The following FRMPD4 variants were observed in gnomAD, a reference collection of about 807,000 sequenced individuals.
FRMPD4 encodes the protein FERM and PDZ domain-containing protein 4.
In FRMPD4, 22 loss-of-function variants were observed where a neutral mutation model predicts 94.1. The observed-to-expected ratio is 0.23, with a 90% CI of 0.17 to 0.33. FRMPD4 has a LOEUF of 0.33. FRMPD4 is among the 10% of genes least tolerant of loss of function. The pLI, the probability that FRMPD4 is intolerant of heterozygous loss-of-function variation, is 1.00. For missense variants in FRMPD4, 1,111 were observed against 1,339.9 expected (o/e 0.83, Z 2.67); for synonymous variants, 631 against 548.6 (o/e 1.15, Z -2.10).
intron 1 of FRMPD4, among the ~76,000 whole-genome samples, chrX:12,337,112 A>T (rs2068995920): frequency 8.9e-6 from 1 of 111,814 alleles, no homozygotes; most frequent in African/African-American, 3.3e-5. Flanking sequence ...TTTGACCAAC[A>T]AGGAAGCAAT....
chrX:12,375,622 A>G (rs1228853707), intron 1 of FRMPD4, among the ~76,000 whole-genome samples: 1 of 112,275 alleles, frequency 8.9e-6, no homozygotes, highest in Non-Finnish European at 1.9e-5. Context: ...ATAATCTGGG[A>G]TAATATCCCC....
chrX:11,831,156 T>C (rs941462661), intron 1 of FRMPD4, among the ~76,000 whole-genome samples: 2 of 109,156 alleles, frequency 1.8e-5, no homozygotes, highest in East Asian at 2.9e-4. Flanking sequence ...TGGGACAGGG[T>C]AAGACTGAGT....
chrX:12,105,675 T>C (rs2055291292), intron 3 of FRMPD4, among the ~76,000 whole-genome samples: 1 of 112,463 alleles, frequency 8.9e-6, no homozygotes, highest in African/African-American at 3.2e-5. Flanking sequence ...TGTATAGCCT[T>C]AAAGTTAAAT....
intron 1 of FRMPD4, among the ~76,000 whole-genome samples, chrX:12,420,444 G>A (rs1424154627): frequency 1.8e-5 from 2 of 111,504 alleles, no homozygotes; most frequent in East Asian, 5.6e-4. Flanking sequence ...TTTCTTCAAG[G>A]CCCTGAAACA....
intron 4 of FRMPD4, among the ~76,000 whole-genome samples, chrX:12,652,194 C>T (rs2059601232): frequency 8.9e-6 from 1 of 112,010 alleles, no homozygotes; most frequent in Non-Finnish European, 1.9e-5. Context: ...GTTGAATCCT[C>T]CCCGTCTTCT....
chrX:12,640,396 A>G (rs1255124662), intron 4 of FRMPD4, among the ~76,000 whole-genome samples: 3 of 109,461 alleles, frequency 2.7e-5, no homozygotes, highest in Non-Finnish European at 5.7e-5. Flanking sequence ...AATTTAATAT[A>G]TTTTAAATTT....
intron 7 of FRMPD4, among the ~76,000 whole-genome samples, chrX:12,689,489 T>C (rs1168592981): frequency 8.9e-6 from 1 of 112,475 alleles, no homozygotes; most frequent in African/African-American, 3.2e-5. Flanking sequence ...CTAAGATACT[T>C]AGCGACTAAA....
chrX:12,068,262 CA>C (rs2054937974), intron 3 of FRMPD4, among the ~76,000 whole-genome samples: 2 of 112,039 alleles, frequency 1.8e-5, no homozygotes, highest in South Asian at 7.5e-4. Flanking sequence ...CAGTGAAACC[CA>C]TTTTGGACTT....
chrX:12,167,864 A>G (rs1286108327), intron 1 of FRMPD4, among the ~76,000 whole-genome samples: 2 of 112,220 alleles, frequency 1.8e-5, no homozygotes, highest in East Asian at 2.8e-4. Flanking sequence ...CCAGGAATAA[A>G]AAGAATTCTA....
chrX:11,993,904 A>G (rs933091931), intron 3 of FRMPD4, among the ~76,000 whole-genome samples: 9 of 111,960 alleles, frequency 8.0e-5, no homozygotes, highest in African/African-American at 2.9e-4. Context: ...AATTCTGCTA[A>G]TTATTTTGTG....
intron 3 of FRMPD4, among the ~76,000 whole-genome samples, chrX:12,070,915 G>A (rs1204243779): frequency 1.8e-5 from 2 of 112,364 alleles, no homozygotes; most frequent in African/African-American, 6.5e-5. Flanking sequence ...CAGCGATTTG[G>A]TGGCTGGTTT....
At chrX:11,918,396 G>C (rs1043294288) in intron 3 of FRMPD4, among the ~76,000 whole-genome samples, 12 of 111,964 alleles carry the variant, frequency 1.1e-4, no homozygotes, top group Non-Finnish European at 1.5e-4. Flanking sequence ...CCTGAGGTCA[G>C]GAGTTTGAGA....
rs756179433 is a variant in FRMPD4 at position 12,195,048 on chromosome X, G to A, written c.41+56036G>A. 9.3e-4 allele frequency among the ~76,000 whole-genome samples: 105 copies of A among 112,447 alleles called. 1 individual carries two copies. The highest frequency in any genetic ancestry group is 1.7e-3 in the Non-Finnish European group (91 of 53,234). On this transcript the variant is annotated intron_variant, in intron 1 of 16. Coordinates refer to ENST00000675598, the MANE Select transcript of FRMPD4 (RefSeq NM_001368397.1). ...ACATGACACTAGTGTGTGTGCACGTGTGTGTTACATGTTAAATACTGTATA... is the reference window on the plus strand; with the variant it reads ...ACATGACACTAGTGTGTGTGCACGTATGTGTTACATGTTAAATACTGTATA...
At chrX:12,599,806 T>C (rs1421385719) in intron 2 of FRMPD4, among the ~76,000 whole-genome samples, 1 of 111,464 alleles carries the variant, frequency 9.0e-6, no homozygotes, top group Non-Finnish European at 1.9e-5. Flanking sequence ...TTTGTAGTCC[T>C]GTCACTAAAA....
chrX:12,424,594 G>A (rs757880916), intron 1 of FRMPD4, among the ~76,000 whole-genome samples: 2 of 111,883 alleles, frequency 1.8e-5, no homozygotes, highest in Non-Finnish European at 3.8e-5. Context: ...GGTGGGACCC[G>A]GGCTTCTGCT....
At chrX:12,194,318 G>A (rs1435177010) in intron 1 of FRMPD4, among the ~76,000 whole-genome samples, 2 of 110,736 alleles carry the variant, frequency 1.8e-5, no homozygotes, top group East Asian at 5.7e-4. Flanking sequence ...TGCACCTGAA[G>A]TGTGGATTCC....
rs1445192104 is a variant in FRMPD4 at position 12,537,454 on chromosome X, CCTTTTTTTT to C, written c.158+38659_158+38667del. Among the ~76,000 whole-genome samples the C allele has an allele frequency of 5.4e-3, 477 of 88,040 alleles. 1 individual carries two copies. The highest frequency in any genetic ancestry group is 0.02 in the African/African-American group (450 of 22,438). 76.5% of individuals were successfully genotyped at this position (88,040 alleles called of 115,157 possible). A position where few individuals can be genotyped will look rare whatever the true frequency, so the allele number is the denominator to read the frequency against. On this transcript the variant is annotated intron_variant, in intron 2 of 16. Transcript: ENST00000675598. Reference sequence around the variant, plus strand: ...TTCCAACAATATATATTTTTTTTTTCCTTTTTTTTTTTTTTTGAGACAGAGTCTCCCCTT... The same window carrying C: ...TTCCAACAATATATATTTTTTTTTTCTTTTTTTGAGACAGAGTCTCCCCTT...
At chrX:12,665,963 A>G (rs1019176021) in intron 4 of FRMPD4, among the ~76,000 whole-genome samples, 7 of 111,743 alleles carry the variant, frequency 6.3e-5, no homozygotes, top group African/African-American at 2.0e-4. Flanking sequence ...TGCCCCAATT[A>G]AAAGACACAG....
chrX:12,055,029 C>G (rs1308219226), intron 3 of FRMPD4: 1 of 111,927 alleles, frequency 8.9e-6, no homozygotes. Flanking sequence ...GGTGAGGAAT[C>G]TGTTAATTAG....
Sources: allele counts gnomAD v4.1 joint callset (sites outside exome capture counted in the v4.1 genomes callset), GRCh38; gene constraint gnomAD v4.1.1; transcripts MANE v1.5; gene names NCBI Gene and HGNC (gene_info 2026-07-23, HGNC 2026-07-21).